Variants in KYAT1 observed in about 807,000 individuals in gnomAD.
KYAT1 encodes the protein kynurenine aminotransferase 1.
In KYAT1, 47 loss-of-function variants were observed where a neutral mutation model predicts 52.4. That is an observed-to-expected ratio of 0.90 (90% CI 0.71 to 1.14). KYAT1 has a LOEUF of 1.14. Ranked by LOEUF, KYAT1 falls within the 50% of genes most tolerant of loss-of-function variation. The probability of loss-of-function intolerance (pLI) is 0.00; values close to 1 mark genes in which losing one functional copy is unlikely to be tolerated. For missense variants in KYAT1, 480 were observed against 557.9 expected, an observed-to-expected ratio of 0.86 and a Z score of 1.41; for synonymous variants, 212 against 209.6, an observed-to-expected ratio of 1.01 and a Z score of -0.10.
chr9:128,853,684 T>C (rs1039810664), intron 1 of KYAT1, among the ~76,000 whole-genome samples: 1 of 152,260 alleles, frequency 6.6e-6, no homozygotes, highest in Non-Finnish European at 1.5e-5. Flanking sequence ...CAAGCTGACT[T>C]GCTAGTATCA....
chr9:128,847,649 A>G, intron 1 of KYAT1: 1 of 574,236 alleles, frequency 1.7e-6, no homozygotes, highest in South Asian at 2.1e-5. Context: ...CAGCTCTAAC[A>G]ATAACAACAA....
chr9:128,858,645 C>T (rs927004818), intron 1 of KYAT1, among the ~76,000 whole-genome samples: 36 of 148,096 alleles, frequency 2.4e-4, no homozygotes, highest in African/African-American at 8.5e-4. Flanking sequence ...TTGCAGTGAG[C>T]CACTGCACCA....
At chr9:128,869,436 C>G (rs567043905) in intron 1 of KYAT1, among the ~76,000 whole-genome samples, 1 of 152,358 alleles carries the variant, frequency 6.6e-6, no homozygotes, top group Non-Finnish European at 1.5e-5. Flanking sequence ...GCTGGGATTA[C>G]TGGCGTGAGC....
At chr9:128,867,622 A>G (rs187457313) in intron 1 of KYAT1, among the ~76,000 whole-genome samples, 1 of 152,346 alleles carries the variant, frequency 6.6e-6, no homozygotes. Context: ...TCGCTGTATC[A>G]CAATATCACT....
intron 5 of KYAT1, 105 bp from the exon 6 acceptor site, chr9:128,837,918 ACCTCC>A (rs1831418257): frequency 6.8e-7 from 1 of 1,476,238 alleles, no homozygotes; most frequent in Admixed American, 1.7e-5. Context: ...CAACACACAC[ACCTCC>A]CCTCTGCCCT....
In KYAT1 at chr9:128,838,133, A is replaced by T; in HGVS notation, c.356T>A (p.Ile119Asn). 1.9e-6 allele frequency: 3 copies of T among 1,614,152 alleles called. No homozygotes were observed. The highest frequency in any genetic ancestry group is 2.5e-6 in the Non-Finnish European group (3 of 1,180,026). Residue 119 changes from isoleucine (I) to asparagine (N), a missense_variant, in exon 5 of 13, where the codon ATC becomes AAC. Physicochemically the swap from Ile to Asn is moderately radical, Grantham distance 149 (BLOSUM62 -3). Coordinates refer to ENST00000302586, the MANE Select transcript of KYAT1 (RefSeq NM_004059.5). Reference sequence around the variant, plus strand: ...GCAGTCAAAAAAGGGTTCGATGATGATGACCTGATATAAGGGTCAAATCAG... The same window carrying T: ...GCAGTCAAAAAAGGGTTCGATGATGTTGACCTGATATAAGGGTCAAATCAG... ...QALVDEGDEV[I>N]IIEPFFDCYE...
At chr9:128,858,101 A>G (rs1051999876) in intron 1 of KYAT1, among the ~76,000 whole-genome samples, 15 of 152,014 alleles carry the variant, frequency 9.9e-5, no homozygotes, top group Non-Finnish European at 1.2e-4. Context: ...CAAAAAAGAT[A>G]CACAAACAGC....
In KYAT1 at chr9:128,872,252, G is replaced by A. The variant is rs184214330; in HGVS notation, c.-7+9645C>T. ...GAGGTCAGGAGATTGAGACCATCCT[G>A]GCTAACACGGTGAAACCCTGTCTCT... On this transcript the variant is annotated intron_variant, in intron 1 of 12. Transcript: ENST00000302586. 4.1e-3 allele frequency among the ~76,000 whole-genome samples: 619 copies of A among 151,422 alleles called. 5 individuals carry two copies. Among genetic ancestry groups the A allele is most frequent in the South Asian group, 0.018 (85 of 4,786 alleles).
intron 1 of KYAT1, among the ~76,000 whole-genome samples, chr9:128,873,112 T>C (rs2130809434): frequency 6.6e-6 from 1 of 150,612 alleles, no homozygotes; most frequent in South Asian, 2.1e-4. Context: ...TAAACTTAAA[T>C]TGTGCAAAGA....
intron 3 of KYAT1, among the ~76,000 whole-genome samples, chr9:128,841,907 C>T (rs889693966): frequency 6.7e-6 from 1 of 148,552 alleles, no homozygotes; most frequent in Non-Finnish European, 1.5e-5. Context: ...ATCACATGAG[C>T]CCCAGGAAAT....
chr9:128,873,980 G>C (rs191093461), intron 1 of KYAT1, among the ~76,000 whole-genome samples: 4 of 150,520 alleles, frequency 2.7e-5, no homozygotes, highest in African/African-American at 9.8e-5. Context: ...CTGAGGCCGG[G>C]CGTGGTGGTT....
At chr9:128,872,784 C>T (rs371869916) in intron 1 of KYAT1, among the ~76,000 whole-genome samples, 1 of 137,970 alleles carries the variant, frequency 7.2e-6, no homozygotes, top group South Asian at 2.3e-4. Flanking sequence ...AAAAAAAAGA[C>T]CATGTTGGCC....
intron 1 of KYAT1, chr9:128,859,917 G>C (rs1835223655): frequency 6.6e-6 from 1 of 152,228 alleles, no homozygotes; most frequent in Non-Finnish European, 1.5e-5. Context: ...CAAAGTGCAT[G>C]AGAGGGGATT....
intron 1 of KYAT1, among the ~76,000 whole-genome samples, chr9:128,881,083 C>T (rs935530175): frequency 2.6e-5 from 4 of 152,094 alleles, no homozygotes; most frequent in African/African-American, 7.2e-5. Flanking sequence ...CCCATCAACG[C>T]TGTTTTTTCT....
chr9:128,882,209 G>A (rs890695369), upstream of KYAT1: 7 of 153,280 alleles, frequency 4.6e-5, no homozygotes, highest in African/African-American at 1.4e-4. Flanking sequence ...AGCGGCCGGG[G>A]CCTGGGGCTG....
In KYAT1 at chr9:128,833,600, C is replaced by A. The variant is rs369420731; in HGVS notation, c.1253G>T (p.Trp418Leu). The A allele has an allele frequency of 6.2e-7, 1 of 1,614,214 alleles. No individual in the cohort carries two copies. Among genetic ancestry groups the A allele is most frequent in the Admixed American group, 1.7e-5 (1 of 60,022 alleles). ...LQAMDEKLRK[W>L]KVEL ...ACTTCAGGGCTAGAGTTCCACCTTC[C>A]ACTTCCGCAGCTTCTCGTCCATGGC... Residue 418 changes from tryptophan (W) to leucine (L), a missense_variant, in exon 13 of 13, where the codon TGG becomes TTG. Trp to Leu is a moderately conservative substitution (Grantham distance 61). Coordinates refer to ENST00000302586, the MANE Select transcript of KYAT1 (RefSeq NM_004059.5).
intron 6 of KYAT1, 33 bp downstream of exon 6, chr9:128,837,652 G>T: frequency 1.2e-6 from 2 of 1,612,500 alleles, no homozygotes; most frequent in Non-Finnish European, 1.7e-6. Flanking sequence ...GACCAGGTCC[G>T]CAGGGGGCCA....
intron 1 of KYAT1, among the ~76,000 whole-genome samples, chr9:128,863,915 G>A (rs1030124883): frequency 6.6e-6 from 1 of 152,090 alleles, no homozygotes; most frequent in Non-Finnish European, 1.5e-5. Flanking sequence ...GACCTCCCAG[G>A]CACACCTCCC....
At chr9:128,882,489 C>T (rs1839104561), upstream of KYAT1, 1 of 386,822 alleles carries the variant, frequency 2.6e-6, no homozygotes, top group Non-Finnish European at 4.6e-6. Context: ...CCCAGGCACC[C>T]CTGTGCCTCC....
Sources: gnomAD v4.1 joint callset for allele counts (sites outside exome capture counted in the v4.1 genomes callset) on GRCh38, gnomAD v4.1.1 for gene constraint, MANE v1.5 for transcripts, NCBI Gene and HGNC (gene_info 2026-07-23, HGNC 2026-07-21) for gene names.